Variants in ZSCAN5C observed in about 807,000 individuals in gnomAD.
The protein encoded by ZSCAN5C is zinc finger and SCAN domain containing 5C, also known as zinc finger and SCAN domain-containing protein 5C.
ZSCAN5C carries 11 observed loss-of-function variants against 17.3 expected under a neutral mutation model. The observed-to-expected ratio is 0.64, with a 90% confidence interval of 0.40 to 1.06. The LOEUF (loss-of-function observed/expected upper bound fraction) is 1.06, where lower values mean the gene tolerates loss of function less well. ZSCAN5C is among the 50% of genes least tolerant of loss of function. The probability of loss-of-function intolerance (pLI) is 0.00; values close to 1 mark genes in which losing one functional copy is unlikely to be tolerated. For missense variants in ZSCAN5C, 698 were observed against 538.9 expected, an observed-to-expected ratio of 1.30 and a Z score of -2.92; for synonymous variants, 229 against 208.4, an observed-to-expected ratio of 1.10 and a Z score of -0.85.
exon 5 of ZSCAN5C, chr19:56,208,833 C>A (rs538159511): frequency 2.8e-5 from 43 of 1,554,246 alleles, no homozygotes; most frequent in South Asian, 1.4e-4. Context: ...GCCGTCCACA[C>A]GAGATCACAC....
intron 3 of ZSCAN5C, 47 bp from the exon 4 acceptor site, chr19:56,207,987 C>T: frequency 1.5e-6 from 1 of 686,262 alleles, no homozygotes. Flanking sequence ...CATGTCCTTC[C>T]ACCGGTTTAG....
At chr19:56,205,914 A>G in exon 2 of ZSCAN5C, 1 of 1,144,208 alleles carries the variant, frequency 8.7e-7, no homozygotes, top group Non-Finnish European at 1.3e-6. Context: ...CCCAGTAGAC[A>G]TGGCTGCAAA....
exon 5 of ZSCAN5C, chr19:56,209,126 T>G: frequency 6.5e-7 from 1 of 1,545,026 alleles, no homozygotes; most frequent in South Asian, 1.1e-5. Flanking sequence ...ATGTTCCAAG[T>G]GTCCAAGAGC....
rs533987933 is a variant in ZSCAN5C at position 56,208,824 on chromosome 19, C to T, written c.1115C>T (p.Ala372Val). Reference sequence around the variant, plus strand: ...AGGTTTAAGTATCGCGGCAAGTTAGCCGTCCACACGAGATCACACACAGGC... The same window carrying T: ...AGGTTTAAGTATCGCGGCAAGTTAGTCGTCCACACGAGATCACACACAGGC... The change falls in exon 5 of 5, where the codon GCC becomes GTC. Residue 372 changes from alanine to valine, a missense_variant. Physicochemically the swap from Ala to Val is moderately conservative, Grantham distance 64. This residue lies in a region of ZSCAN5C where 554 missense variants were observed against 390.5 expected (regional missense o/e 1.42). Transcript: ENST00000534327. The T allele has an allele frequency of 3.5e-5, 54 of 1,556,462 alleles. 3 individuals carry two copies. In the African/African-American group the frequency reaches 6.7e-4, roughly 19 times the overall value.
At chr19:56,204,134 A>C (rs1177519153) in intron 1 of ZSCAN5C, among the ~76,000 whole-genome samples, 30 of 151,918 alleles carry the variant, frequency 2.0e-4, no homozygotes, top group South Asian at 4.2e-4. Context: ...GAGGATAGCA[A>C]CCAATAGGTA....
exon 2 of ZSCAN5C, chr19:56,205,863 G>T: frequency 1.2e-6 from 1 of 806,226 alleles, no homozygotes; most frequent in South Asian, 1.5e-5. Context: ...ATTAGACACC[G>T]GCTTCTGGAA....
At chr19:56,204,639 C>T (rs1332860670) in intron 1 of ZSCAN5C, among the ~76,000 whole-genome samples, 1 of 151,832 alleles carries the variant, frequency 6.6e-6, no homozygotes, top group African/African-American at 2.4e-5. Context: ...TTGTCTCCTC[C>T]TCTGGGTTGT....
At chr19:56,209,227 C>A, downstream of ZSCAN5C, 2 of 667,004 alleles carry the variant, frequency 3.0e-6, no homozygotes, top group Non-Finnish European at 5.3e-6. Flanking sequence ...GTCTTCTGCA[C>A]CAAGAAAGTG....
At chr19:56,202,932 C>A (rs2032886396) in intron 1 of ZSCAN5C, among the ~76,000 whole-genome samples, 1 of 152,006 alleles carries the variant, frequency 6.6e-6, no homozygotes, top group African/African-American at 2.4e-5. Context: ...TGGGCATCAA[C>A]CTACTAGGCC....
chr19:56,209,233 A>G, downstream of ZSCAN5C: 1 of 657,160 alleles, frequency 1.5e-6, no homozygotes, highest in Non-Finnish European at 2.7e-6. Context: ...TGCACCAAGA[A>G]AGTGTGAATG....
intron 2 of ZSCAN5C, among the ~76,000 whole-genome samples, chr19:56,206,726 A>C (rs1372383872): frequency 6.6e-6 from 1 of 151,822 alleles, no homozygotes; most frequent in East Asian, 1.9e-4. Flanking sequence ...GCCCAGAAAT[A>C]CCATCCTGAG....
In ZSCAN5C at chr19:56,207,565, T is replaced by G. The variant is rs143542771; in HGVS notation, c.588+303T>G. Among the ~76,000 whole-genome samples the G allele has an allele frequency of 9.6e-3, 1,462 of 151,876 alleles. 55 individuals are homozygous for G. Among genetic ancestry groups the G allele is most frequent in the African/African-American group, 0.033 (1,377 of 41,184 alleles). ...AAGGTCCCATCCCCATCCAGTTTCCTCAAAGACATTTAATGTAATAATTCA... is the reference window on the plus strand; with the variant it reads ...AAGGTCCCATCCCCATCCAGTTTCCGCAAAGACATTTAATGTAATAATTCA... On this transcript the variant is annotated intron_variant, in intron 3 of 4. Transcript: ENST00000534327.
intron 1 of ZSCAN5C, among the ~76,000 whole-genome samples, chr19:56,203,214 C>A (rs1568589387): frequency 7.2e-5 from 11 of 151,792 alleles, no homozygotes; most frequent in Admixed American, 5.9e-4. Context: ...CAGCAGGTGC[C>A]CTGTGGCAAA....
At chr19:56,205,034 C>T (rs1029729501) in intron 1 of ZSCAN5C, among the ~76,000 whole-genome samples, 4 of 135,080 alleles carry the variant, frequency 3.0e-5, no homozygotes, top group Non-Finnish European at 6.2e-5. Context: ...TAGAGAAACC[C>T]TTAGAGACAG....
At chr19:56,208,784 G>A (rs1408522901) in exon 5 of ZSCAN5C, 2 of 1,588,294 alleles carry the variant, frequency 1.3e-6, no homozygotes, top group Admixed American at 1.7e-5. Flanking sequence ...CTTTGCATGT[G>A]AGGTGTGCGG....
exon 2 of ZSCAN5C, chr19:56,206,030 T>G (rs776984676): frequency 6.2e-7 from 1 of 1,610,726 alleles, no homozygotes; most frequent in African/African-American, 1.3e-5. Context: ...ATGACAGTGA[T>G]CCTGAGACTT....
exon 5 of ZSCAN5C, chr19:56,208,788 T>C (rs2032955413): frequency 1.3e-6 from 2 of 1,585,798 alleles, no homozygotes; most frequent in South Asian, 1.1e-5. Flanking sequence ...GCATGTGAGG[T>C]GTGCGGCAAG....
chr19:56,206,742 G>A (rs1479083222), intron 2 of ZSCAN5C, among the ~76,000 whole-genome samples: 1 of 151,888 alleles, frequency 6.6e-6, no homozygotes, highest in Admixed American at 6.6e-5. Flanking sequence ...CTGAGGCAGG[G>A]AAAGTGGCTG....
intron 3 of ZSCAN5C, among the ~76,000 whole-genome samples, chr19:56,207,824 T>G (rs1395494577): frequency 6.6e-6 from 1 of 151,700 alleles, no homozygotes; most frequent in Non-Finnish European, 1.5e-5. Flanking sequence ...TGCCAGGGGT[T>G]AGGGGCCTCC....
Sources: gnomAD v4.1 joint callset for allele counts (sites outside exome capture counted in the v4.1 genomes callset) on GRCh38, gnomAD v4.1.1 for gene constraint, gnomAD v4.1.1 regional missense constraint, MANE v1.5 for transcripts, NCBI Gene and HGNC (gene_info 2026-07-23, HGNC 2026-07-21) for gene names.